Variants in REEP3 observed in about 807,000 individuals in gnomAD.
The protein encoded by REEP3 is receptor expression-enhancing protein 3.
REEP3 carries 20 observed loss-of-function variants against 41.3 expected under a neutral mutation model. That is an observed-to-expected ratio of 0.48 (90% CI 0.34 to 0.70). The LOEUF (loss-of-function observed/expected upper bound fraction) is 0.70, where lower values mean the gene tolerates loss of function less well. Ranked by LOEUF, REEP3 falls within the 30% of genes least tolerant of loss-of-function variation. REEP3 has a pLI of 0.01. For missense variants in REEP3, 271 were observed against 308.8 expected (o/e 0.88, Z 0.92); for synonymous variants, 104 against 101.8 (o/e 1.02, Z -0.13).
rs75605331 is a variant in REEP3, at chr10:63,557,538, C to T, written c.33-8800C>T. 6.3e-3 allele frequency among the ~76,000 whole-genome samples: 954 copies of T among 152,194 alleles called. 3 individuals are homozygous for T. The highest frequency in any genetic ancestry group is 0.011 in the Admixed American group (171 of 15,286). Reference sequence around the variant, plus strand: ...TTCTATTGTTTAAATTAATTACCTACGTTAAATTTATCAACAACAAAGAAG... The same window carrying T: ...TTCTATTGTTTAAATTAATTACCTATGTTAAATTTATCAACAACAAAGAAG... On this transcript the variant is annotated intron_variant, in intron 1 of 7. Coordinates refer to ENST00000373758, the MANE Select transcript of REEP3 (RefSeq NM_001001330.3).
chr10:63,521,517 C>G lies in REEP3; in HGVS notation c.-29C>G. 2 of 1,407,584 alleles carry G rather than the reference C, an allele frequency of 1.4e-6. No homozygotes were observed. Among genetic ancestry groups the G allele is most frequent in the Non-Finnish European group, 1.9e-6 (2 of 1,068,482 alleles). The allele number at this position is 1,407,584 out of a possible 1,614,324, so 87.2% of individuals were successfully genotyped here. On this transcript the variant is annotated 5_prime_UTR_variant, in exon 1 of 8. Transcript: ENST00000373758. ...CCGCAGCGCCCTGCGCCCACCCGCC[C>G]CGGACGTGGGGCCCAAGCCCCCGTG...
chr10:63,523,109 T>G (rs1955308058), intron 1 of REEP3, among the ~76,000 whole-genome samples: 1 of 152,208 alleles, frequency 6.6e-6, no homozygotes, highest in African/African-American at 2.4e-5. Context: ...TTGTTTTTCA[T>G]AATTGCCAAT....
chr10:63,582,839 C>T (rs945763614), intron 2 of REEP3, among the ~76,000 whole-genome samples: 2 of 152,162 alleles, frequency 1.3e-5, no homozygotes, highest in African/African-American at 4.8e-5. Context: ...TTCTGTGCTC[C>T]GTTACTTGCT....
chr10:63,597,553 G>A (rs1374803415), intron 3 of REEP3, among the ~76,000 whole-genome samples: 1 of 152,204 alleles, frequency 6.6e-6, no homozygotes, highest in Non-Finnish European at 1.5e-5. Flanking sequence ...TTCATGAACT[G>A]ATCTATAGTT....
chr10:63,618,524 G>A (rs1209785399), intron 6 of REEP3, among the ~76,000 whole-genome samples: 1 of 152,040 alleles, frequency 6.6e-6, no homozygotes, highest in Non-Finnish European at 1.5e-5. Context: ...TGGGATTACA[G>A]GCGTGAGCCA....
At chr10:63,555,472 T>A (rs1468778633) in intron 1 of REEP3, among the ~76,000 whole-genome samples, 1 of 152,222 alleles carries the variant, frequency 6.6e-6, no homozygotes, top group South Asian at 2.1e-4. Context: ...ATGGCTGCCA[T>A]GGCAGAAAAA....
intron 3 of REEP3, among the ~76,000 whole-genome samples, chr10:63,596,540 A>G (rs2133408123): frequency 6.6e-6 from 1 of 152,178 alleles, no homozygotes; most frequent in African/African-American, 2.4e-5. Context: ...CCTTGACAGA[A>G]GAACTCAAAT....
chr10:63,525,573 C>T (rs1955355153), intron 1 of REEP3, among the ~76,000 whole-genome samples: 1 of 152,114 alleles, frequency 6.6e-6, no homozygotes, highest in Non-Finnish European at 1.5e-5. Flanking sequence ...CATGTGCTAC[C>T]ATGCCCAGCT....
chr10:63,615,157 T>C (rs1956302895), intron 6 of REEP3, among the ~76,000 whole-genome samples: 1 of 152,186 alleles, frequency 6.6e-6, no homozygotes, highest in South Asian at 2.1e-4. Flanking sequence ...AGAGAAAGTT[T>C]GGAAGGGTAT....
chr10:63,593,476 A>G (rs1418046811), intron 2 of REEP3, among the ~76,000 whole-genome samples: 1 of 152,204 alleles, frequency 6.6e-6, no homozygotes. Flanking sequence ...TGATGGAATT[A>G]ATTATATTTC....
chr10:63,564,237 G>A (rs4746203), intron 1 of REEP3, among the ~76,000 whole-genome samples: 120 of 152,006 alleles, frequency 7.9e-4, no homozygotes, highest in Admixed American at 3.9e-3. Context: ...AATGGCCATT[G>A]AAAACAACAG....
Position 63,598,068 on chromosome 10 carries a change from TG to T in REEP3, c.228del (p.Leu77PhefsTer10), listed in dbSNP as rs780828756. On this transcript the variant is annotated frameshift_variant, in exon 4 of 8. Transcript: ENST00000373758. LOFTEE classifies it high-confidence loss of function. ...CTGAAGATTGCTTTTGTCATATGGC[TG>T]CTTTCTCCCTATACCAAAGGAGCAA... ...YELKIAFVIW[L>X]LSPYTKGASL... The T allele has an allele frequency of 5.0e-6, 8 of 1,609,554 alleles. No individual in the cohort carries two copies. The highest frequency in any genetic ancestry group is 6.8e-6 in the Non-Finnish European group (8 of 1,175,902).
chr10:63,533,583 TAA>T (rs902416974), intron 1 of REEP3, among the ~76,000 whole-genome samples: 4 of 152,128 alleles, frequency 2.6e-5, no homozygotes, highest in Non-Finnish European at 5.9e-5. Context: ...TTTGTATACC[TAA>T]GTTAATTTTG....
intron 1 of REEP3, among the ~76,000 whole-genome samples, chr10:63,532,257 A>G (rs1401152844): frequency 6.6e-6 from 1 of 152,222 alleles, no homozygotes; most frequent in East Asian, 1.9e-4. Context: ...AATCTAAACA[A>G]AATAGGTTTA....
At chr10:63,607,798 G>A (rs1045841633) in intron 5 of REEP3, among the ~76,000 whole-genome samples, 1 of 152,134 alleles carries the variant, frequency 6.6e-6, no homozygotes, top group Non-Finnish European at 1.5e-5. Context: ...ACAGTAGTAC[G>A]TGAGTTCATT....
At chr10:63,606,777 T>C (rs935454514) in intron 5 of REEP3, among the ~76,000 whole-genome samples, 3 of 152,180 alleles carry the variant, frequency 2.0e-5, no homozygotes, top group African/African-American at 7.2e-5. Flanking sequence ...GATTGGAAAT[T>C]CTTATAGTAT....
intron 2 of REEP3, among the ~76,000 whole-genome samples, chr10:63,568,412 G>A (rs1434329446): frequency 1.3e-5 from 2 of 151,528 alleles, no homozygotes; most frequent in Admixed American, 6.6e-5. Context: ...GACTACAGGC[G>A]CCCGCCACCA....
At chr10:63,618,347 G>C (rs1956328485) in intron 6 of REEP3, among the ~76,000 whole-genome samples, 1 of 141,652 alleles carries the variant, frequency 7.1e-6, no homozygotes, top group Non-Finnish European at 1.5e-5. Flanking sequence ...CCGGATTCAT[G>C]CCATTCTCCT....
In REEP3 at chr10:63,620,860, G is replaced by A. The variant is rs543247723; in HGVS notation, c.759G>A (p.Val253=). ...LKYKVKKRPQ[V]YF ...ACAAAGTGAAGAAACGACCACAAGT[G>A]TATTTTTAGTCATCTACACGTCAAA... Residue 253 remains valine, a synonymous_variant, in exon 8 of 8, where the codon GTG becomes GTA. Transcript: ENST00000373758. The A allele has an allele frequency of 1.2e-6, 2 of 1,605,432 alleles. No homozygotes were observed. Among genetic ancestry groups the A allele is most frequent in the South Asian group, 1.1e-5 (1 of 90,286 alleles).
Sources: gnomAD v4.1 joint callset for allele counts (sites outside exome capture counted in the v4.1 genomes callset) on GRCh38, gnomAD v4.1.1 for gene constraint, MANE v1.5 for transcripts, NCBI Gene and HGNC (gene_info 2026-07-23, HGNC 2026-07-21) for gene names.